The following ZDHHC17 variants were observed in gnomAD, a reference collection of about 807,000 sequenced individuals.
ZDHHC17 encodes the protein zDHHC palmitoyltransferase 17.
In ZDHHC17, 40 loss-of-function variants were observed where a neutral mutation model predicts 90.3. The ratio of observed to expected loss-of-function variants is 0.44; its 90% CI spans 0.34 to 0.58. The LOEUF (loss-of-function observed/expected upper bound fraction) is 0.58. Ranked by LOEUF, ZDHHC17 falls within the 20% of genes least tolerant of loss-of-function variation. ZDHHC17 has a pLI of 0.01. For synonymous variants in ZDHHC17, 235 were observed against 252.4 expected, an observed-to-expected ratio of 0.93 and a Z score of 0.65; for missense variants, 614 against 780.8, an observed-to-expected ratio of 0.79 and a Z score of 2.55.
chr12:76,797,913 C>T (rs565414601), intron 2 of ZDHHC17, among the ~76,000 whole-genome samples: 2 of 150,836 alleles, frequency 1.3e-5, no homozygotes, highest in East Asian at 2.0e-4. Context: ...CACTGTGCTC[C>T]AGCCTAGGCA....
At chr12:76,795,120 A>T (rs1952803069) in intron 1 of ZDHHC17, among the ~76,000 whole-genome samples, 1 of 152,102 alleles carries the variant, frequency 6.6e-6, no homozygotes, top group African/African-American at 2.4e-5. Context: ...GTATACATGC[A>T]CAGTGATGCT....
Position 76,770,926 on chromosome 12 carries a change from CAAAA to C in ZDHHC17, c.93+6615_93+6618del, listed in dbSNP as rs34292734. 2.4e-4 allele frequency among the ~76,000 whole-genome samples: 18 copies of C among 76,176 alleles called. No homozygotes were observed. In the East Asian group the frequency reaches 9.9e-3, roughly 42 times the overall value. The allele number at this position is 76,176 out of a possible 152,430, so 50.0% of individuals were successfully genotyped here. A position where few individuals can be genotyped will look rare whatever the true frequency, so the allele number is the denominator to read the frequency against. On this transcript the variant is annotated intron_variant, in intron 1 of 16. Transcript: ENST00000426126. ...CTGGGCAATGAGCAAAACTCCATCTCAAAAAAAAAAAAAAAAAAAAATGCAGTTT... is the reference window on the plus strand; with the variant it reads ...CTGGGCAATGAGCAAAACTCCATCTCAAAAAAAAAAAAAAAAATGCAGTTT...
intron 1 of ZDHHC17, among the ~76,000 whole-genome samples, chr12:76,778,734 C>T (rs1483060685): frequency 6.6e-6 from 1 of 152,208 alleles, no homozygotes; most frequent in Non-Finnish European, 1.5e-5. Flanking sequence ...TTTTCATGTG[C>T]ATATTTGCCA....
chr12:76,821,894 T>C (rs900564493), intron 7 of ZDHHC17, among the ~76,000 whole-genome samples: 2 of 152,086 alleles, frequency 1.3e-5, no homozygotes, highest in African/African-American at 4.8e-5. Context: ...AACTTCTGGG[T>C]GGGTGAATGA....
chr12:76,843,016 C>T (rs1391458154), intron 12 of ZDHHC17, 35 bp downstream of exon 12: 1 of 1,566,462 alleles, frequency 6.4e-7, no homozygotes. Flanking sequence ...CCTCCCTTCT[C>T]TTCCTCCTGA....
intron 10 of ZDHHC17, among the ~76,000 whole-genome samples, chr12:76,836,610 T>C (rs1170786049): frequency 1.3e-5 from 2 of 152,198 alleles, no homozygotes; most frequent in Non-Finnish European, 2.9e-5. Flanking sequence ...TTTTCATTGA[T>C]ATTTTCTATT....
chr12:76,774,233 G>T (rs181250042), intron 1 of ZDHHC17, among the ~76,000 whole-genome samples: 1 of 143,394 alleles, frequency 7.0e-6, no homozygotes, highest in Non-Finnish European at 1.5e-5. Context: ...CTGGATGACA[G>T]AGTGAGACCC....
intron 8 of ZDHHC17, among the ~76,000 whole-genome samples, chr12:76,823,629 A>G (rs753306634): frequency 6.6e-6 from 1 of 152,174 alleles, no homozygotes; most frequent in African/African-American, 2.4e-5. Context: ...TCTAGTGGCA[A>G]TGTTGATTAT....
chr12:76,767,108 G>T (rs190513758), intron 1 of ZDHHC17, among the ~76,000 whole-genome samples: 1 of 152,028 alleles, frequency 6.6e-6, no homozygotes, highest in Non-Finnish European at 1.5e-5. Flanking sequence ...TATGTTGAGG[G>T]TCAAGAACTG....
intron 1 of ZDHHC17, among the ~76,000 whole-genome samples, chr12:76,778,472 C>T (rs1467900867): frequency 6.6e-6 from 1 of 152,174 alleles, no homozygotes; most frequent in African/African-American, 2.4e-5. Context: ...ATCTGCCTGC[C>T]TCGGCCTCCC....
At chr12:76,765,763 C>G (rs774277794) in intron 1 of ZDHHC17, among the ~76,000 whole-genome samples, 1 of 152,184 alleles carries the variant, frequency 6.6e-6, no homozygotes, top group Non-Finnish European at 1.5e-5. Context: ...TGCACTGACA[C>G]GATGACAGCT....
chr12:76,809,360 T>G (rs199887956), intron 4 of ZDHHC17, among the ~76,000 whole-genome samples: 1 of 149,226 alleles, frequency 6.7e-6, no homozygotes, highest in African/African-American at 2.5e-5. Flanking sequence ...GATTAAACTT[T>G]GGATTTCTAA....
At chr12:76,793,791 C>A (rs1274876089) in intron 1 of ZDHHC17, among the ~76,000 whole-genome samples, 1 of 152,166 alleles carries the variant, frequency 6.6e-6, no homozygotes, top group Non-Finnish European at 1.5e-5. Context: ...TACAATGACA[C>A]ACATACATAT....
intron 1 of ZDHHC17, among the ~76,000 whole-genome samples, chr12:76,783,633 C>T (rs1275267684): frequency 6.6e-6 from 1 of 152,222 alleles, no homozygotes; most frequent in Non-Finnish European, 1.5e-5. Flanking sequence ...CTTCTCACTT[C>T]TCCACTTTTA....
chr12:76,817,500 A>G (rs1953104125), intron 7 of ZDHHC17, among the ~76,000 whole-genome samples: 1 of 152,148 alleles, frequency 6.6e-6, no homozygotes, highest in African/African-American at 2.4e-5. Context: ...ATATCAGTAT[A>G]CTGAAATTAT....
chr12:76,842,140 A>C (rs1353930146), intron 11 of ZDHHC17, 34 bp downstream of exon 11: 1 of 1,528,732 alleles, frequency 6.5e-7, no homozygotes, highest in Non-Finnish European at 8.8e-7. Flanking sequence ...CTTGTATTTA[A>C]CTGCCAGATT....
chr12:76,820,500 C>T (rs1953151836), intron 7 of ZDHHC17, among the ~76,000 whole-genome samples: 1 of 152,138 alleles, frequency 6.6e-6, no homozygotes, highest in Non-Finnish European at 1.5e-5. Flanking sequence ...CTGAGTGCTA[C>T]ACAAGCAGTT....
intron 1 of ZDHHC17, among the ~76,000 whole-genome samples, chr12:76,795,075 G>T (rs929132562): frequency 1.3e-5 from 2 of 151,952 alleles, no homozygotes; most frequent in African/African-American, 4.8e-5. Flanking sequence ...TTCCATTCTG[G>T]ATTGGAAGTC....
At chr12:76,773,421 G>A (rs1213140258) in intron 1 of ZDHHC17, among the ~76,000 whole-genome samples, 1 of 151,964 alleles carries the variant, frequency 6.6e-6, no homozygotes, top group Non-Finnish European at 1.5e-5. Flanking sequence ...TTCATAGCTC[G>A]TTTCTTTTTA....
Sources: gnomAD v4.1 joint callset for allele counts (sites outside exome capture counted in the v4.1 genomes callset) on GRCh38, gnomAD v4.1.1 for gene constraint, MANE v1.5 for transcripts, NCBI Gene and HGNC (gene_info 2026-07-23, HGNC 2026-07-21) for gene names.